Variants in TTC39B observed in about 807,000 individuals in gnomAD.
TTC39B encodes the protein tetratricopeptide repeat protein 39B.
In TTC39B, 92 loss-of-function variants were observed where a neutral mutation model predicts 96.6. The ratio of observed to expected loss-of-function variants is 0.95; its 90% CI spans 0.80 to 1.13. The LOEUF (loss-of-function observed/expected upper bound fraction) is 1.13. Ranked by LOEUF, TTC39B falls within the 50% of genes most tolerant of loss-of-function variation. TTC39B has a pLI of 0.00. For missense variants in TTC39B, 955 were observed against 809.3 expected, an observed-to-expected ratio of 1.18 and a Z score of -2.18; for synonymous variants, 367 against 299.4, an observed-to-expected ratio of 1.23 and a Z score of -2.33.
chr9:15,191,987 C>T (rs573757950), intron 9 of TTC39B, among the ~76,000 whole-genome samples: 5 of 152,102 alleles, frequency 3.3e-5, no homozygotes. Flanking sequence ...ATTTTAACAA[C>T]CAATTGGATA....
At chr9:15,193,914 C>T (rs912374754) in intron 8 of TTC39B, among the ~76,000 whole-genome samples, 10 of 152,134 alleles carry the variant, frequency 6.6e-5, no homozygotes, top group Middle Eastern at 3.4e-3. Context: ...GGAACTATTC[C>T]GAATGAAAAG....
At chr9:15,269,619 C>T (rs368313140) in intron 1 of TTC39B, among the ~76,000 whole-genome samples, 9 of 152,036 alleles carry the variant, frequency 5.9e-5, no homozygotes, top group African/African-American at 9.7e-5. Flanking sequence ...TTTGGGAGGC[C>T]GAGGCGGGTG....
chr9:15,269,344 C>A (rs994194507), intron 1 of TTC39B, among the ~76,000 whole-genome samples: 5 of 152,190 alleles, frequency 3.3e-5, no homozygotes, highest in African/African-American at 1.2e-4. Context: ...CCAGGGTTTG[C>A]TCAATAAATA....
intron 2 of TTC39B, among the ~76,000 whole-genome samples, chr9:15,239,208 C>T (rs920502448): frequency 2.0e-5 from 3 of 151,904 alleles, no homozygotes; most frequent in Admixed American, 6.6e-5. Flanking sequence ...ATTAAAACCA[C>T]AATGAGATAT....
chr9:15,225,783 C>G, intron 3 of TTC39B, 134 bp downstream of exon 3: 3 of 587,398 alleles, frequency 5.1e-6, no homozygotes, highest in Non-Finnish European at 8.0e-6. Context: ...AATGGGCACT[C>G]TACTTGCCTA....
chr9:15,267,034 G>A (rs571750675), intron 2 of TTC39B, among the ~76,000 whole-genome samples: 10 of 152,142 alleles, frequency 6.6e-5, no homozygotes, highest in Admixed American at 3.3e-4. Flanking sequence ...AGCCGAGATC[G>A]TGCCACTGCA....
exon 20 of TTC39B, chr9:15,166,275 C>T (rs2118276479): frequency 6.6e-6 from 1 of 152,320 alleles, no homozygotes; most frequent in African/African-American, 2.4e-5. Context: ...AGTGAGCCAG[C>T]TGCTTTGATT....
rs540335839 is a variant in TTC39B, at chr9:15,269,590, A to G, written c.241-1642T>C. On this transcript the variant is annotated intron_variant, in intron 1 of 19. Coordinates refer to ENST00000512701, the Ensembl canonical transcript of TTC39B. ...AGAACCTGGCCAGGCGCAGTGGCTC[A>G]TGCCTGCAATCCCAGCACTTTGGGA... is the stretch of plus-strand genomic sequence containing the variant. Among the ~76,000 whole-genome samples the G allele has an allele frequency of 4.0e-4, 61 of 152,318 alleles. 1 individual carries two copies. In the East Asian group the frequency reaches 0.01, roughly 25 times the overall value.
chr9:15,279,412 T>C (rs1823667871), intron 1 of TTC39B, among the ~76,000 whole-genome samples: 1 of 152,142 alleles, frequency 6.6e-6, no homozygotes, highest in Non-Finnish European at 1.5e-5. Flanking sequence ...AACTGAGAAA[T>C]CCTATAATGG....
chr9:15,255,206 T>C (rs1036557242), intron 2 of TTC39B, among the ~76,000 whole-genome samples: 1 of 152,208 alleles, frequency 6.6e-6, no homozygotes, highest in Middle Eastern at 3.4e-3. Flanking sequence ...ATCTCTTCAG[T>C]TTTAGGCAAT....
At chr9:15,205,764 A>T (rs1819809726) in intron 6 of TTC39B, among the ~76,000 whole-genome samples, 1 of 151,982 alleles carries the variant, frequency 6.6e-6, no homozygotes, top group Non-Finnish European at 1.5e-5. Context: ...GCTCAGGAAT[A>T]CAGATTGCTG....
chr9:15,241,336 T>C (rs1163714757), intron 2 of TTC39B, among the ~76,000 whole-genome samples: 1 of 151,772 alleles, frequency 6.6e-6, no homozygotes, highest in African/African-American at 2.4e-5. Flanking sequence ...CTGGAAAAGA[T>C]AGCAGTGAAT....
At chr9:15,307,059 GC>G (rs1824775799) in intron 1 of TTC39B, 24 bp downstream of exon 1, 4 of 1,606,708 alleles carry the variant, frequency 2.5e-6, no homozygotes, top group South Asian at 1.1e-5. Flanking sequence ...CAGGGGCCGG[GC>G]CCGCAATCCC....
intron 1 of TTC39B, among the ~76,000 whole-genome samples, chr9:15,277,806 G>A (rs1823602853): frequency 6.6e-6 from 1 of 152,226 alleles, no homozygotes; most frequent in African/African-American, 2.4e-5. Context: ...TCCCTTCAGA[G>A]AAGGGCTGCG....
chr9:15,214,300 A>T (rs1313538553), intron 3 of TTC39B, 51 bp from the exon 4 acceptor site: 1 of 1,304,830 alleles, frequency 7.7e-7, no homozygotes, highest in African/African-American at 1.5e-5. Flanking sequence ...TACGATCAGC[A>T]AGTTGTCCGA....
chr9:15,254,935 A>G (rs1037404533), intron 2 of TTC39B, among the ~76,000 whole-genome samples: 10 of 151,856 alleles, frequency 6.6e-5, no homozygotes, highest in Non-Finnish European at 1.0e-4. Flanking sequence ...CCTAACTACT[A>G]AAATAAATAA....
At chr9:15,264,637 A>T (rs1490017924) in intron 2 of TTC39B, among the ~76,000 whole-genome samples, 1 of 145,798 alleles carries the variant, frequency 6.9e-6, no homozygotes, top group Non-Finnish European at 1.5e-5. Context: ...CCTGGGCGAC[A>T]GAGCGAGACT....
intron 1 of TTC39B, among the ~76,000 whole-genome samples, chr9:15,288,248 A>C (rs1321814648): frequency 6.6e-6 from 1 of 152,140 alleles, no homozygotes; most frequent in Non-Finnish European, 1.5e-5. Context: ...CAAAGGCCCC[A>C]TTCTCAGGCC....
intron 2 of TTC39B, among the ~76,000 whole-genome samples, chr9:15,262,196 T>A (rs982018364): frequency 6.6e-6 from 1 of 152,150 alleles, no homozygotes; most frequent in African/African-American, 2.4e-5. Flanking sequence ...CCTCCCGGGT[T>A]CAAGTGATTC....
Sources: allele counts gnomAD v4.1 joint callset (sites outside exome capture counted in the v4.1 genomes callset), GRCh38; gene constraint gnomAD v4.1.1; transcripts MANE v1.5; gene names NCBI Gene and HGNC (gene_info 2026-07-23, HGNC 2026-07-21).